Variants in TBCK observed in about 807,000 individuals in gnomAD.
TBCK encodes TBC domain-containing protein kinase-like protein.
TBCK carries 99 observed loss-of-function variants against 113.4 expected under a neutral mutation model. That is an observed-to-expected ratio of 0.87 (90% CI 0.74 to 1.03). The LOEUF (loss-of-function observed/expected upper bound fraction) is 1.03. Ranked by LOEUF, TBCK falls within the 50% of genes least tolerant of loss-of-function variation. TBCK has a pLI of 0.00. For synonymous variants in TBCK, 369 were observed against 370.8 expected, an observed-to-expected ratio of 1.00 and a Z score of 0.05; for missense variants, 1,045 against 1,061.3, an observed-to-expected ratio of 0.98 and a Z score of 0.21.
chr4:106,071,187 G>A (rs1160753390), intron 25 of TBCK, among the ~76,000 whole-genome samples: 1 of 152,184 alleles, frequency 6.6e-6, no homozygotes, highest in Non-Finnish European at 1.5e-5. Flanking sequence ...TAATTGTGAT[G>A]TTAGGGTGTC....
At chr4:106,080,582 T>C (rs1738732812) in intron 25 of TBCK, among the ~76,000 whole-genome samples, 1 of 152,162 alleles carries the variant, frequency 6.6e-6, no homozygotes, top group Admixed American at 6.5e-5. Context: ...GAAGAAAACC[T>C]TGGCAATACC....
rs138239917 is a variant in TBCK, at chr4:106,154,685, G to A, written c.2235+16410C>T. Among the ~76,000 whole-genome samples, 321 of 152,270 alleles carry A rather than the reference G, an allele frequency of 2.1e-3. 1 individual carries two copies. The highest frequency in any genetic ancestry group is 7.4e-3 in the African/African-American group (306 of 41,560). On this transcript the variant is annotated intron_variant, in intron 23 of 25. Transcript: ENST00000394708. Reference sequence around the variant, plus strand: ...CTGCTATCACTTTGCCTTCTGCCATGAGAAAAATTTCCTTGAGGCCTCCGC... The same window carrying A: ...CTGCTATCACTTTGCCTTCTGCCATAAGAAAAATTTCCTTGAGGCCTCCGC...
intron 25 of TBCK, among the ~76,000 whole-genome samples, chr4:106,068,390 G>C (rs957672465): frequency 6.6e-6 from 1 of 152,064 alleles, no homozygotes; most frequent in African/African-American, 2.4e-5. Flanking sequence ...CTATGAGTGA[G>C]AACATGTGGT....
chr4:106,297,967 A>G (rs1766488524), intron 2 of TBCK, among the ~76,000 whole-genome samples: 1 of 152,228 alleles, frequency 6.6e-6, no homozygotes, highest in Non-Finnish European at 1.5e-5. Flanking sequence ...ATAACAAGCA[A>G]TAGCTGATTG....
At chr4:106,269,636 T>C (rs1403358073) in intron 3 of TBCK, among the ~76,000 whole-genome samples, 3 of 152,190 alleles carry the variant, frequency 2.0e-5, no homozygotes, top group African/African-American at 7.2e-5. Context: ...GATAAACTGC[T>C]ACCTAAAGAT....
Position 106,083,679 on chromosome 4 carries a change from C to T in TBCK, c.2571+11803G>A, listed in dbSNP as rs372838815. ...ATCAGACACCTTATACAGGAGTGAT[C>T]CTACTGGCATCAGGTTGGTGCCCCT... On this transcript the variant is annotated intron_variant, in intron 25 of 25. Transcript: ENST00000394708. 5.9e-5 allele frequency among the ~76,000 whole-genome samples: 9 copies of T among 152,144 alleles called. No individual in the cohort carries two copies. The East Asian group carries it at 9.7e-4, about 16-fold the overall frequency.
chr4:106,060,282 T>A (rs1490353949), intron 25 of TBCK, among the ~76,000 whole-genome samples: 2 of 151,758 alleles, frequency 1.3e-5, no homozygotes, highest in African/African-American at 2.4e-5. Context: ...AGATAAGAGA[T>A]CAATGCCTGG....
chr4:106,271,197 T>C (rs998518348), intron 3 of TBCK, among the ~76,000 whole-genome samples: 2 of 152,090 alleles, frequency 1.3e-5, no homozygotes, highest in Admixed American at 6.5e-5. Flanking sequence ...TACTATGATA[T>C]AAGGAAGATC....
intron 23 of TBCK, among the ~76,000 whole-genome samples, chr4:106,145,824 T>C (rs1400434183): frequency 1.3e-5 from 2 of 152,052 alleles, no homozygotes; most frequent in Non-Finnish European, 2.9e-5. Flanking sequence ...ATTAGAGAAA[T>C]GCAAATCAAA....
chr4:106,284,828 T>A (rs1162264907), intron 3 of TBCK, among the ~76,000 whole-genome samples: 1 of 152,128 alleles, frequency 6.6e-6, no homozygotes, highest in East Asian at 1.9e-4. Context: ...TATATCTGTT[T>A]TTTAAATATT....
At chr4:106,162,289 C>T (rs1749887088) in intron 23 of TBCK, among the ~76,000 whole-genome samples, 1 of 152,168 alleles carries the variant, frequency 6.6e-6, no homozygotes, top group South Asian at 2.1e-4. Context: ...CTTGGGCAGC[C>T]CCGCCTCTGT....
At chr4:106,060,645 G>T (rs993428968) in intron 25 of TBCK, among the ~76,000 whole-genome samples, 2 of 151,690 alleles carry the variant, frequency 1.3e-5, no homozygotes, top group African/African-American at 4.8e-5. Flanking sequence ...AACACATTTT[G>T]CAATCCATGG....
rs139449857 is a variant in TBCK at position 106,145,004 on chromosome 4, G to C, written c.2235+26091C>G. Among the ~76,000 whole-genome samples, 23 of 137,910 alleles carry C rather than the reference G, an allele frequency of 1.7e-4. No individual in the cohort carries two copies. In the East Asian group the frequency reaches 1.8e-3, roughly 11 times the overall value. The allele number at this position is 137,910 out of a possible 152,430, so 90.5% of individuals were successfully genotyped here. On this transcript the variant is annotated intron_variant, in intron 23 of 25. Transcript: ENST00000394708. The stretch of plus-strand genomic sequence containing the variant: ...TACTGCACTCCAGCCTGGGCAACAA[G>C]AGTGAAACTCCGTGTCAAAAAAAAA...
At chr4:106,087,344 A>C (rs193259695) in intron 25 of TBCK, among the ~76,000 whole-genome samples, 1 of 152,300 alleles carries the variant, frequency 6.6e-6, no homozygotes, top group Admixed American at 6.5e-5. Context: ...TCACTAAAAC[A>C]GAATAAAATA....
intron 19 of TBCK, among the ~76,000 whole-genome samples, chr4:106,220,083 C>T (rs2149940379): frequency 6.6e-6 from 1 of 152,282 alleles, no homozygotes; most frequent in Middle Eastern, 3.4e-3. Context: ...TAATCCTTTG[C>T]TTCCAATGAT....
chr4:106,207,617 C>T (rs1755678049), intron 20 of TBCK, among the ~76,000 whole-genome samples: 1 of 151,896 alleles, frequency 6.6e-6, no homozygotes, highest in Non-Finnish European at 1.5e-5. Flanking sequence ...TTCATCATGC[C>T]CCTCCCATAA....
At chr4:106,183,162 T>C (rs1159270629) in intron 22 of TBCK, among the ~76,000 whole-genome samples, 1 of 152,100 alleles carries the variant, frequency 6.6e-6, no homozygotes, top group Non-Finnish European at 1.5e-5. Flanking sequence ...CTCTTTCTAC[T>C]GCTTAGAATC....
intron 11 of TBCK, 36 bp downstream of exon 11, chr4:106,244,590 T>C (rs749460177): frequency 2.0e-6 from 3 of 1,476,654 alleles, no homozygotes; most frequent in Admixed American, 2.4e-5. Flanking sequence ...CATGTATTTA[T>C]TTATTTAAAT....
chr4:106,271,003 T>C (rs1763418201), intron 3 of TBCK, among the ~76,000 whole-genome samples: 1 of 152,184 alleles, frequency 6.6e-6, no homozygotes, highest in African/African-American at 2.4e-5. Flanking sequence ...CTATGATTCA[T>C]AAATAGGAAG....
Sources: allele counts gnomAD v4.1 joint callset (sites outside exome capture counted in the v4.1 genomes callset), GRCh38; gene constraint gnomAD v4.1.1; transcripts MANE v1.5; gene names NCBI Gene and HGNC (gene_info 2026-07-23, HGNC 2026-07-21).